Variants in MED12L observed in about 807,000 individuals in gnomAD.
The protein encoded by MED12L is mediator of RNA polymerase II transcription subunit 12-like protein.
MED12L carries 60 observed loss-of-function variants against 281.3 expected under a neutral mutation model. The observed-to-expected ratio is 0.21, with a 90% CI of 0.17 to 0.26. The LOEUF is 0.26. Ranked by LOEUF, MED12L falls within the 10% of genes least tolerant of loss-of-function variation. The pLI is 1.00. For synonymous variants in MED12L, 974 were observed against 987.2 expected (o/e 0.99, Z 0.25); for missense variants, 2,146 against 2,680.9 (o/e 0.80, Z 4.41).
At chr3:151,226,274 TGA>T (rs1421221984) in intron 16 of MED12L, among the ~76,000 whole-genome samples, 1 of 152,030 alleles carries the variant, frequency 6.6e-6, no homozygotes, top group Admixed American at 6.6e-5. Context: ...AGTTTTGGGG[TGA>T]GAGAGCTATA....
At chr3:151,393,352 A>G (rs750081073) in intron 38 of MED12L, among the ~76,000 whole-genome samples, 5 of 152,150 alleles carry the variant, frequency 3.3e-5, no homozygotes, top group Admixed American at 2.0e-4. Flanking sequence ...CATTTTACAT[A>G]TGAAAGAAGC....
chr3:151,225,685 T>C (rs1253520097), intron 16 of MED12L, among the ~76,000 whole-genome samples: 1 of 152,192 alleles, frequency 6.6e-6, no homozygotes, highest in Non-Finnish European at 1.5e-5. Flanking sequence ...GTCCGTGCCC[T>C]GTCTAGGCTC....
intron 16 of MED12L, among the ~76,000 whole-genome samples, chr3:151,318,126 A>G (rs897791695): frequency 2.0e-5 from 3 of 151,862 alleles, no homozygotes; most frequent in African/African-American, 7.3e-5. Context: ...ACAGACACCT[A>G]CAATTTTAAT....
At chr3:151,414,740 G>C (rs1717353820) in intron 42 of MED12L, among the ~76,000 whole-genome samples, 1 of 151,990 alleles carries the variant, frequency 6.6e-6, no homozygotes, top group African/African-American at 2.4e-5. Context: ...TCACAAAATT[G>C]ATAACATGTG....
intron 16 of MED12L, among the ~76,000 whole-genome samples, chr3:151,299,745 G>T (rs1481625237): frequency 6.6e-6 from 1 of 152,014 alleles, no homozygotes; most frequent in Non-Finnish European, 1.5e-5. Flanking sequence ...CCTTGGTTTA[G>T]ACTATTAAAT....
chr3:151,418,502 T>C (rs918393508), intron 43 of MED12L, among the ~76,000 whole-genome samples: 1 of 152,236 alleles, frequency 6.6e-6, no homozygotes. Context: ...GTCTATGGAA[T>C]GTTTATTTTG....
intron 43 of MED12L, among the ~76,000 whole-genome samples, chr3:151,427,308 G>A (rs937732557): frequency 1.3e-5 from 2 of 152,172 alleles, no homozygotes; most frequent in African/African-American, 2.4e-5. Context: ...ACCTGACAGA[G>A]TCTTGGGGAC....
intron 6 of MED12L, among the ~76,000 whole-genome samples, chr3:151,157,871 T>C (rs1038120922): frequency 6.6e-6 from 1 of 152,198 alleles, no homozygotes; most frequent in Non-Finnish European, 1.5e-5. Flanking sequence ...TAAAAGTATA[T>C]GTCTTTCCCA....
chr3:151,211,439 A>G (rs1727147177), intron 16 of MED12L, among the ~76,000 whole-genome samples: 1 of 151,326 alleles, frequency 6.6e-6, no homozygotes, highest in Non-Finnish European at 1.5e-5. Flanking sequence ...AATTATAGCA[A>G]GCTTAGTTTA....
Position 151,086,992 on chromosome 3 carries a change from C to T in MED12L, c.66C>T (p.Pro22=), listed in dbSNP as rs745686154. 10 of 1,610,252 alleles carry T rather than the reference C, an allele frequency of 6.2e-6. No individual in the cohort carries two copies. Among genetic ancestry groups the T allele is most frequent in the African/African-American group, 4.0e-5 (3 of 74,882 alleles). The part of the protein sequence containing the change: ...RPLKRPRLGP[P]DVYPQDPKQK... ...TGAAGCGCCCCCGGCTCGGGCCGCC[C>T]GACGTCTACCCACAGGACCCCAAGC... Residue 22 remains proline (P), a synonymous_variant, in exon 2 of 45, where the codon CCC becomes CCT. Coordinates refer to ENST00000687756, the MANE Select transcript of MED12L (RefSeq NM_001393769.1).
chr3:151,405,279 T>A (rs143566668), intron 39 of MED12L, among the ~76,000 whole-genome samples: 1 of 152,186 alleles, frequency 6.6e-6, no homozygotes, highest in Non-Finnish European at 1.5e-5. Flanking sequence ...GTGTAGGAAT[T>A]TACCTCAGGT....
intron 16 of MED12L, among the ~76,000 whole-genome samples, chr3:151,253,420 A>G (rs1023597859): frequency 6.6e-6 from 1 of 152,110 alleles, no homozygotes; most frequent in Non-Finnish European, 1.5e-5. Context: ...TCATTTCCAA[A>G]CACACCTTCT....
At chr3:151,294,974 G>A (rs990136592) in intron 16 of MED12L, 67 of 1,613,712 alleles carry the variant, frequency 4.2e-5, no homozygotes, top group East Asian at 6.7e-5. Flanking sequence ...AAATGTCAGC[G>A]TCATTATGAG....
At chr3:151,270,825 C>G (rs1015918813) in intron 16 of MED12L, among the ~76,000 whole-genome samples, 1 of 152,102 alleles carries the variant, frequency 6.6e-6, no homozygotes, top group Non-Finnish European at 1.5e-5. Context: ...CCCTGCCACT[C>G]GATGGGACAA....
chr3:151,279,748 A>T (rs975678588), intron 16 of MED12L, among the ~76,000 whole-genome samples: 2 of 152,244 alleles, frequency 1.3e-5, no homozygotes, highest in South Asian at 4.1e-4. Flanking sequence ...ACCAGGGCAC[A>T]TTGCAGAGTC....
chr3:151,350,454 T>C (rs573859537), intron 17 of MED12L, among the ~76,000 whole-genome samples: 5 of 152,160 alleles, frequency 3.3e-5, no homozygotes, highest in African/African-American at 1.2e-4. Context: ...TTGTATTCCA[T>C]AGGTAGGTGT....
In MED12L at chr3:151,090,013, G is replaced by A. The variant is rs1002248484; in HGVS notation, c.99+2988G>A. ...TTGGTCTCCCTTCTGGCTTCAGGGT[G>A]ACTTCTCTTCCCCAGGGCTCCTGCA... On this transcript the variant is annotated intron_variant, in intron 2 of 44. Coordinates refer to ENST00000687756, the MANE Select transcript of MED12L (RefSeq NM_001393769.1). 3.3e-5 allele frequency among the ~76,000 whole-genome samples: 5 copies of A among 152,214 alleles called. No homozygotes were observed. In the South Asian group the frequency reaches 6.2e-4, roughly 19 times the overall value.
At chr3:151,232,969 TC>T (rs1204578896) in intron 16 of MED12L, among the ~76,000 whole-genome samples, 2 of 152,232 alleles carry the variant, frequency 1.3e-5, no homozygotes, top group African/African-American at 2.4e-5. Flanking sequence ...AACAAAATTT[TC>T]TTTTCACCTT....
At chr3:151,187,202 A>G (rs1723400676) in intron 12 of MED12L, among the ~76,000 whole-genome samples, 1 of 152,244 alleles carries the variant, frequency 6.6e-6, no homozygotes, top group Non-Finnish European at 1.5e-5. Context: ...CATTGTGAAT[A>G]GTTGGACTAT....
Sources: allele counts gnomAD v4.1 joint callset (sites outside exome capture counted in the v4.1 genomes callset), GRCh38; gene constraint gnomAD v4.1.1; transcripts MANE v1.5; gene names NCBI Gene and HGNC (gene_info 2026-07-23, HGNC 2026-07-21).